Variants in ZBTB20 observed in about 807,000 individuals in gnomAD.
ZBTB20 encodes the protein zinc finger and BTB domain containing 20.
ZBTB20 carries 9 observed loss-of-function variants against 56.9 expected under a neutral mutation model. The observed-to-expected ratio is 0.16, with a 90% CI of 0.10 to 0.28. The LOEUF is 0.28. Among genes scored for constraint, ZBTB20 ranks in the 10% least tolerant of loss-of-function variants. The pLI is 1.00. For missense variants in ZBTB20, 655 were observed against 1,003.0 expected (o/e 0.65, Z 4.69); for synonymous variants, 417 against 420.7 (o/e 0.99, Z 0.11).
chr3:114,999,275 T>G (rs1458596180), intron 2 of ZBTB20, among the ~76,000 whole-genome samples: 3 of 83,506 alleles, frequency 3.6e-5, no homozygotes, highest in Admixed American at 1.9e-4. Context: ...AGGAGGGAAA[T>G]GAAAGGAAAG....
At position 114,339,844 on chromosome 3, in the gene ZBTB20, G is replaced by A. The variant is rs929888446; in HGVS notation, c.1805-418C>T. Among the ~76,000 whole-genome samples, 1 of 152,138 alleles carries A rather than the reference G, an allele frequency of 6.6e-6. No homozygotes were observed. Among genetic ancestry groups the A allele is most frequent in the Admixed American group, 6.5e-5 (1 of 15,272 alleles). On this transcript the variant is annotated intron_variant, in intron 11 of 11. Coordinates refer to ENST00000675478, the MANE Select transcript of ZBTB20 (RefSeq NM_001348800.3). This position sits in a 1 kb window ranked among gnomAD's most constrained non-coding sequence, Gnocchi z 4.2. ...GAAGAAATAAGAGAGAAGAAAGATCGTTGGAGACATGGGGTGCTCTAGAAT... is the reference window on the plus strand; with the variant it reads ...GAAGAAATAAGAGAGAAGAAAGATCATTGGAGACATGGGGTGCTCTAGAAT...
intron 6 of ZBTB20, among the ~76,000 whole-genome samples, chr3:114,686,400 G>C (rs1029679906): frequency 6.6e-6 from 1 of 152,222 alleles, no homozygotes; most frequent in Non-Finnish European, 1.5e-5. Flanking sequence ...AGGATAGTAT[G>C]AGAGATGCTG....
intron 8 of ZBTB20, among the ~76,000 whole-genome samples, chr3:114,381,922 T>C (rs2084398222): frequency 6.6e-6 from 1 of 152,238 alleles, no homozygotes; most frequent in African/African-American, 2.4e-5. Context: ...ACCTTATCAA[T>C]TGATTTTTGA....
At chr3:115,112,839 ATC>A (rs1439162724) in intron 1 of ZBTB20, among the ~76,000 whole-genome samples, 1 of 152,126 alleles carries the variant, frequency 6.6e-6, no homozygotes. Context: ...CAATAGAGAG[ATC>A]TGTTTTTCAT....
intron 6 of ZBTB20, among the ~76,000 whole-genome samples, chr3:114,614,754 T>C (rs1485496329): frequency 6.6e-6 from 1 of 151,936 alleles, no homozygotes; most frequent in Admixed American, 6.6e-5. Context: ...TGTTTGTTTG[T>C]TTGTTTGTTT....
chr3:115,001,907 T>C (rs2079266832), intron 2 of ZBTB20, among the ~76,000 whole-genome samples: 1 of 151,462 alleles, frequency 6.6e-6, no homozygotes, highest in South Asian at 2.1e-4. Flanking sequence ...TTCTAAAGTT[T>C]ATATGGAGAG....
chr3:114,556,466 A>G (rs1045527043), intron 6 of ZBTB20, among the ~76,000 whole-genome samples: 1 of 149,712 alleles, frequency 6.7e-6, no homozygotes, highest in Non-Finnish European at 1.5e-5. Context: ...TGTAGCATCC[A>G]TATGAAGTCA....
At chr3:114,365,636 C>T (rs2082321649) in intron 10 of ZBTB20, among the ~76,000 whole-genome samples, 1 of 152,160 alleles carries the variant, frequency 6.6e-6, no homozygotes, top group Admixed American at 6.5e-5. Flanking sequence ...GAAAACTGTG[C>T]AGGATGTTAC....
chr3:114,668,811 T>G (rs2061200853), intron 6 of ZBTB20, among the ~76,000 whole-genome samples: 1 of 152,046 alleles, frequency 6.6e-6, no homozygotes, highest in African/African-American at 2.4e-5. Context: ...CTTAGAACCC[T>G]TTCTCTAACA....
At chr3:114,853,688 G>C (rs1253870784) in intron 4 of ZBTB20, among the ~76,000 whole-genome samples, 1 of 152,140 alleles carries the variant, frequency 6.6e-6, no homozygotes, top group African/African-American at 2.4e-5. Flanking sequence ...TTAAATAGGA[G>C]ATTTTAAAAA....
At chr3:114,550,083 G>A (rs2050377501) in intron 6 of ZBTB20, among the ~76,000 whole-genome samples, 1 of 151,772 alleles carries the variant, frequency 6.6e-6, no homozygotes, top group African/African-American at 2.4e-5. Context: ...GACTACAGGT[G>A]CCCGCCACCA....
intron 7 of ZBTB20, among the ~76,000 whole-genome samples, chr3:114,453,050 A>C (rs1268379458): frequency 6.6e-6 from 1 of 152,192 alleles, no homozygotes; most frequent in Non-Finnish European, 1.5e-5. Flanking sequence ...TATAAAAGAT[A>C]AAATTGTTTA....
chr3:114,722,493 A>T (rs963459108), intron 5 of ZBTB20, among the ~76,000 whole-genome samples: 3 of 152,234 alleles, frequency 2.0e-5, no homozygotes, highest in Non-Finnish European at 4.4e-5. Context: ...GAAAGTAAAA[A>T]CTATAATTTC....
intron 4 of ZBTB20, among the ~76,000 whole-genome samples, chr3:114,840,997 C>T (rs1291022658): frequency 6.6e-6 from 1 of 151,948 alleles, no homozygotes; most frequent in East Asian, 1.9e-4. Flanking sequence ...TCATTTGTAG[C>T]TATTGTAATT....
chr3:114,959,579 T>G (rs2077367869), intron 3 of ZBTB20, among the ~76,000 whole-genome samples: 1 of 152,144 alleles, frequency 6.6e-6, no homozygotes, highest in Admixed American at 6.5e-5. Context: ...TTTTTGTTTT[T>G]TGTTGTTTTG....
At chr3:114,509,443 G>GGTA (rs2045062027) in intron 6 of ZBTB20, among the ~76,000 whole-genome samples, 2 of 151,644 alleles carry the variant, frequency 1.3e-5, no homozygotes, top group African/African-American at 4.8e-5. Flanking sequence ...TGGTGGTGGT[G>GGTA]GTGGTGGTGG....
intron 8 of ZBTB20, among the ~76,000 whole-genome samples, chr3:114,382,629 C>T (rs1306049428): frequency 6.6e-6 from 1 of 152,166 alleles, no homozygotes; most frequent in Non-Finnish European, 1.5e-5. Flanking sequence ...TCACTCCCCA[C>T]AGTGAATTCC....
At chr3:114,869,699 A>G (rs1315410485) in intron 4 of ZBTB20, among the ~76,000 whole-genome samples, 1 of 152,234 alleles carries the variant, frequency 6.6e-6, no homozygotes, top group Non-Finnish European at 1.5e-5. Flanking sequence ...TTTTCTCACA[A>G]TAAACTATAT....
chr3:115,012,680 G>T (rs1021336768), intron 2 of ZBTB20, among the ~76,000 whole-genome samples: 4 of 151,710 alleles, frequency 2.6e-5, no homozygotes, highest in African/African-American at 9.7e-5. Flanking sequence ...AATCCATAAA[G>T]AAACTTCAGA....
Sources: gnomAD v4.1 joint callset for allele counts (sites outside exome capture counted in the v4.1 genomes callset) on GRCh38, gnomAD v4.1.1 for gene constraint, Gnocchi (gnomAD v3.1) non-coding constraint, MANE v1.5 for transcripts, NCBI Gene and HGNC (gene_info 2026-07-23, HGNC 2026-07-21) for gene names.